Variants in POP1 observed in about 807,000 individuals in gnomAD.
POP1 encodes the protein POP1 ribonuclease P/MRP subunit, also known as ribonucleases P/MRP protein subunit POP1.
In POP1, 75 loss-of-function variants were observed where a neutral mutation model predicts 102.2. The ratio of observed to expected loss-of-function variants is 0.73; its 90% CI spans 0.61 to 0.89. The LOEUF is 0.89. Ranked by LOEUF, POP1 falls within the 40% of genes least tolerant of loss-of-function variation. POP1 has a pLI of 0.00. For synonymous variants in POP1, 436 were observed against 464.1 expected (o/e 0.94, Z 0.78); for missense variants, 1,116 against 1,267.4 (o/e 0.88, Z 1.81).
At chr8:98,152,735 T>A (rs965169939) in intron 14 of POP1, among the ~76,000 whole-genome samples, 1 of 152,274 alleles carries the variant, frequency 6.6e-6, no homozygotes, top group African/African-American at 2.4e-5. Flanking sequence ...AATGCTCACA[T>A]GCAATTGCAG....
chr8:98,155,909 TTGTG>T (rs58936294), intron 14 of POP1, 137 bp from the exon 15 acceptor site: 34,593 of 517,556 alleles, frequency 0.067, 541 homozygotes, highest in Non-Finnish European at 0.069. Context: ...TGGAAAGCTT[TTGTG>T]TGTGTGTGTG....
intron 7 of POP1, 124 bp downstream of exon 7, chr8:98,134,783 G>A (rs1382229098): frequency 9.6e-7 from 1 of 1,036,644 alleles, no homozygotes; most frequent in East Asian, 2.5e-5. Flanking sequence ...TTGTATATGG[G>A]GGGCTCTATG....
intron 9 of POP1, among the ~76,000 whole-genome samples, chr8:98,137,889 C>T (rs559784200): frequency 3.9e-5 from 6 of 152,314 alleles, no homozygotes; most frequent in South Asian, 2.1e-4. Flanking sequence ...AGATCCTGTT[C>T]GTTTTCTGGT....
intron 9 of POP1, among the ~76,000 whole-genome samples, chr8:98,138,345 CCTT>C (rs1554625491): frequency 4.6e-5 from 7 of 152,202 alleles, no homozygotes; most frequent in Non-Finnish European, 1.0e-4. Flanking sequence ...GCCACCCTGA[CCTT>C]CTTTCAGGTT....
chr8:98,150,392 G>T (rs1354514143), intron 13 of POP1, 93 bp from the exon 14 acceptor site: 3 of 1,325,944 alleles, frequency 2.3e-6, no homozygotes, highest in Admixed American at 3.4e-5. Context: ...CTTTTGAGGG[G>T]CGTTTAGGTT....
chr8:98,131,547 A>C (rs753665317), intron 5 of POP1, among the ~76,000 whole-genome samples: 1 of 152,228 alleles, frequency 6.6e-6, no homozygotes, highest in Non-Finnish European at 1.5e-5. Flanking sequence ...TATTGTAAAT[A>C]ATGCTGCTGT....
At chr8:98,134,799 T>C (rs562879327) in intron 7 of POP1, 140 bp downstream of exon 7, 318 of 919,084 alleles carry the variant, frequency 3.5e-4, no homozygotes, top group South Asian at 1.2e-3. Context: ...CTATGATTAT[T>C]GAATGAAGTG....
chr8:98,137,307 C>CT (rs113798017), intron 9 of POP1, among the ~76,000 whole-genome samples: 38 of 147,136 alleles, frequency 2.6e-4, no homozygotes, highest in South Asian at 4.3e-4. Flanking sequence ...GTTTTCTTTT[C>CT]TTTTTTTTTT....
Position 98,153,399 on chromosome 8 carries a change from G to A in POP1, c.2058-2651G>A, listed in dbSNP as rs995642049. Among the ~76,000 whole-genome samples, 9 of 152,144 alleles carry A rather than the reference G, an allele frequency of 5.9e-5. No individual in the cohort carries two copies. The East Asian group carries it at 7.7e-4, about 13-fold the overall frequency. ...AAGAAGGGGGGGATTCAGGGCACAC[G>A]TGGAGGAGGCAGCATCTATTGGGAT... On this transcript the variant is annotated intron_variant, in intron 14 of 15. Transcript: ENST00000401707.
intron 12 of POP1, among the ~76,000 whole-genome samples, chr8:98,147,041 G>T (rs939841794): frequency 6.6e-6 from 1 of 152,196 alleles, no homozygotes; most frequent in Non-Finnish European, 1.5e-5. Flanking sequence ...ATGATCTCAT[G>T]GTTGAAATAT....
At chr8:98,146,441 A>G in intron 11 of POP1, 127 bp from the exon 12 acceptor site, 4 of 756,862 alleles carry the variant, frequency 5.3e-6, no homozygotes, top group East Asian at 2.7e-5. Flanking sequence ...TGTCAAGTAA[A>G]TTCTTCTAAG....
chr8:98,118,045 AT>A (rs5893455), intron 1 of POP1, among the ~76,000 whole-genome samples: 101,107 of 150,688 alleles, frequency 0.67, 34,419 homozygotes, highest in African/African-American at 0.76. Flanking sequence ...GTTAAAAAAA[AT>A]AATAATAAAA....
At position 98,140,882 on chromosome 8, in the gene POP1, T is replaced by C. The variant is rs372147893; in HGVS notation, c.1588T>C (p.Cys530Arg). ...KSKALPNPEK[C>R]QDNEKVRQLL... ...CAAAGCTTTGCCCAATCCAGAAAAA[T>C]GCCAAGGTAAAGTTCCAAAAACACC... Residue 530 changes from cysteine to arginine, a missense_variant, in exon 11 of 16, where the codon TGC (cysteine) becomes CGC (arginine). Physicochemically the swap from Cys to Arg is radical, Grantham distance 180. Transcript: ENST00000401707. 3.1e-6 allele frequency: 5 copies of C among 1,613,786 alleles called. No individual in the cohort carries two copies. Among genetic ancestry groups the C allele is most frequent in the Admixed American group, 1.7e-5 (1 of 59,976 alleles).
intron 14 of POP1, among the ~76,000 whole-genome samples, chr8:98,151,121 TGTTGCCCAGGCTGTA>T (rs1809502810): frequency 6.6e-6 from 1 of 152,214 alleles, no homozygotes; most frequent in Non-Finnish European, 1.5e-5. Context: ...GGTCTTGCTC[TGTTGCCCAGGCTGTA>T]GTTCAGTGGC....
chr8:98,134,582 T>C lies in POP1; in HGVS notation c.934T>C (p.Trp312Arg). Residue 312 changes from tryptophan to arginine, a missense_variant, in exon 7 of 16, where the codon TGG becomes CGG. By Grantham distance (101) the Trp-to-Arg change is moderately radical. Coordinates refer to ENST00000401707, the MANE Select transcript of POP1 (RefSeq NM_001145860.2). ...AATGCTTGGGCCTGTTACGTTTATC[T>C]GGAAGTCCCAGAGGACCCCGGGTGA... is the stretch of plus-strand genomic sequence containing the variant. ...REMLGPVTFI[W>R]KSQRTPGDPS... is the part of the protein sequence containing the mutation. The C allele has an allele frequency of 6.2e-7, 1 of 1,614,184 alleles. No homozygotes were observed. The highest frequency in any genetic ancestry group is 2.2e-5 in the East Asian group (1 of 44,886).
At chr8:98,155,575 G>A (rs554418780) in intron 14 of POP1, among the ~76,000 whole-genome samples, 6 of 151,196 alleles carry the variant, frequency 4.0e-5, no homozygotes, top group Non-Finnish European at 7.4e-5. Flanking sequence ...GAGCCACCAT[G>A]CCTGGCCTAT....
rs1353418281 is a variant in POP1 at position 98,156,291 on chromosome 8, A to G, written c.2299A>G (p.Arg767Gly). 1 of 1,614,180 alleles carries G rather than the reference A, an allele frequency of 6.2e-7. No homozygotes were observed. The highest frequency in any genetic ancestry group is 8.5e-7 in the Non-Finnish European group (1 of 1,180,034). Reference sequence around the variant, plus strand: ...AGTGGGCACATCCATAGAGCACCCCAGGGAGGCAGAGGAGGTAATGGATGC... The same window carrying G: ...AGTGGGCACATCCATAGAGCACCCCGGGGAGGCAGAGGAGGTAATGGATGC... Reference protein sequence around the residue: ...DEVGTSIEHPREAEEVMDAGC... With the variant: ...DEVGTSIEHPGEAEEVMDAGC... The change falls in exon 15 of 16, where the codon AGG (arginine) becomes GGG (glycine). Residue 767 changes from arginine (R) to glycine (G), a missense_variant. By Grantham distance (125) the Arg-to-Gly change is moderately radical. Coordinates refer to ENST00000401707, the MANE Select transcript of POP1 (RefSeq NM_001145860.2).
chr8:98,139,942 C>T lies in POP1; in HGVS notation c.1363-136C>T, dbSNP rs28549107. On this transcript the variant is annotated intron_variant, in intron 9 of 15. Coordinates refer to ENST00000401707, the MANE Select transcript of POP1 (RefSeq NM_001145860.2). ...ATTACTATGTTAAGTATAGTGGCAA[C>T]TTCCCTGGTTCATCCCATAACACAT... The T allele has an allele frequency of 0.13, 92,792 of 738,178 alleles. 6,666 individuals are homozygous for T. The highest frequency in any genetic ancestry group is 0.21 in the Middle Eastern group (920 of 4,360). 45.7% of individuals were successfully genotyped at this position (738,178 alleles called of 1,614,324 possible).
intron 12 of POP1, among the ~76,000 whole-genome samples, chr8:98,147,444 G>A (rs897439287): frequency 2.0e-5 from 3 of 152,214 alleles, no homozygotes; most frequent in Non-Finnish European, 4.4e-5. Flanking sequence ...GAGAGAGGAA[G>A]CTGAAGACAC....
Sources: gnomAD v4.1 joint callset for allele counts (sites outside exome capture counted in the v4.1 genomes callset) on GRCh38, gnomAD v4.1.1 for gene constraint, MANE v1.5 for transcripts, NCBI Gene and HGNC (gene_info 2026-07-23, HGNC 2026-07-21) for gene names.